Variants in NEK5 observed in about 807,000 individuals in gnomAD.
The protein encoded by NEK5 is serine/threonine-protein kinase Nek5.
Under a neutral mutation model 109.2 loss-of-function variants are expected in NEK5, and 88 were observed. That is an observed-to-expected ratio of 0.81 (90% CI 0.68 to 0.96). NEK5 has a LOEUF of 0.96. NEK5 is among the 40% of genes least tolerant of loss of function. The probability of loss-of-function intolerance (pLI) is 0.00; values close to 1 mark genes in which losing one functional copy is unlikely to be tolerated. For missense variants in NEK5, 834 were observed against 920.7 expected, an observed-to-expected ratio of 0.91 and a Z score of 1.22; for synonymous variants, 283 against 299.9, an observed-to-expected ratio of 0.94 and a Z score of 0.58.
At chr13:52,122,138 G>A (rs1405596548) in intron 3 of NEK5, among the ~76,000 whole-genome samples, 1 of 152,184 alleles carries the variant, frequency 6.6e-6, no homozygotes, top group Non-Finnish European at 1.5e-5. Flanking sequence ...AGGCAATGTA[G>A]TATCATGGAA....
At chr13:52,057,476 C>G (rs1326778013) in intron 22 of NEK5, among the ~76,000 whole-genome samples, 2 of 141,840 alleles carry the variant, frequency 1.4e-5, no homozygotes, top group East Asian at 3.9e-4. Flanking sequence ...GATACCAAAG[C>G]CTGGCAGAGA....
chr13:52,052,852 G>C (rs1954520119), intron 22 of NEK5, among the ~76,000 whole-genome samples: 1 of 152,036 alleles, frequency 6.6e-6, no homozygotes, highest in Non-Finnish European at 1.5e-5. Context: ...CCTTGACTGT[G>C]CCTTTTTTTT....
chr13:52,066,080 A>G (rs1954686629), intron 20 of NEK5, among the ~76,000 whole-genome samples: 1 of 151,882 alleles, frequency 6.6e-6, no homozygotes, highest in Admixed American at 6.6e-5. Context: ...TCCCTTCTGC[A>G]TATGGTTTTT....
intron 17 of NEK5, among the ~76,000 whole-genome samples, chr13:52,078,450 C>A (rs139314462): frequency 6.6e-6 from 1 of 152,070 alleles, no homozygotes. Context: ...TACAAAAGGG[C>A]GCAACAAACT....
chr13:52,080,125 G>GTACCCA (rs1414364836), intron 17 of NEK5, among the ~76,000 whole-genome samples: 1 of 151,914 alleles, frequency 6.6e-6, no homozygotes, highest in Non-Finnish European at 1.5e-5. Context: ...TCTGGGAGGT[G>GTACCCA]AGGAGCGTCT....
intron 3 of NEK5, among the ~76,000 whole-genome samples, chr13:52,119,864 T>C (rs1419063655): frequency 1.3e-5 from 2 of 152,218 alleles, no homozygotes. Context: ...TTAAGATGAC[T>C]ACATTTTTCA....
At chr13:52,107,687 A>C (rs1955681494) in intron 8 of NEK5, among the ~76,000 whole-genome samples, 1 of 152,074 alleles carries the variant, frequency 6.6e-6, no homozygotes, top group Admixed American at 6.6e-5. Context: ...CCTGGGCCTT[A>C]AACCATGACA....
In NEK5 at chr13:52,112,289, A is replaced by AC; in HGVS notation, c.290dup (p.Val98CysfsTer4). On this transcript the variant is annotated frameshift_variant, in exon 5 of 24. Coordinates refer to ENST00000684899, the MANE Select transcript of NEK5 (RefSeq NM_001365552.1). LOFTEE classifies it high-confidence loss of function. ...TTACCTGATCTTCACTAAATAACACACCCCGTTGTCTATTGATCCTTTTCA... is the reference window on the plus strand; with the variant it reads ...TTACCTGATCTTCACTAAATAACACACCCCCGTTGTCTATTGATCCTTTTCA... 6.2e-7 allele frequency: 1 copy of AC among 1,608,296 alleles called. No homozygotes were observed. Among genetic ancestry groups the AC allele is most frequent in the East Asian group, 2.2e-5 (1 of 44,808 alleles).
intron 4 of NEK5, among the ~76,000 whole-genome samples, chr13:52,114,979 A>G (rs954748388): frequency 1.3e-5 from 2 of 152,120 alleles, no homozygotes; most frequent in South Asian, 4.1e-4. Context: ...CTTTTGGTGA[A>G]AGAAACTGAC....
At chr13:52,055,036 A>T (rs1954541872) in intron 22 of NEK5, among the ~76,000 whole-genome samples, 1 of 152,238 alleles carries the variant, frequency 6.6e-6, no homozygotes, top group South Asian at 2.1e-4. Context: ...AAGGCAAAGA[A>T]GTTGAAAACT....
At chr13:52,054,931 A>G (rs1020827901) in intron 22 of NEK5, among the ~76,000 whole-genome samples, 151 of 148,902 alleles carry the variant, frequency 1.0e-3, no homozygotes, top group Non-Finnish European at 1.6e-3. Context: ...CACCAGCAAC[A>G]GAACAAAGCT....
chr13:52,117,070 C>T (rs916346485), intron 4 of NEK5, among the ~76,000 whole-genome samples: 1 of 152,118 alleles, frequency 6.6e-6, no homozygotes, highest in Admixed American at 6.6e-5. Flanking sequence ...AGGTGCACAC[C>T]ACCATGCCCG....
Position 52,127,611 on chromosome 13 carries a change from TCCCAG to T in NEK5, c.-44_-40del, listed in dbSNP as rs927301148. On this transcript the variant is annotated 5_prime_UTR_variant, in exon 2 of 24. Transcript: ENST00000684899. ...AGAACTCACTTAGCTAAAACTTTCC[TCCCAG>T]CCTTGCCAAGACAGAGACAAATAAC... The T allele has an allele frequency of 1.6e-6, 1 of 640,456 alleles. No individual in the cohort carries two copies. Among genetic ancestry groups the T allele is most frequent in the African/African-American group, 1.8e-5 (1 of 54,700 alleles). The allele number at this position is 640,456 out of a possible 1,614,324, so 39.7% of individuals were successfully genotyped here.
Position 52,070,226 on chromosome 13 carries a change from A to T in NEK5, c.1849+1718T>A, listed in dbSNP as rs140957261. ...TGGATCCCATTTTCCATGGAAGGAA[A>T]GAGGCCATGCTGGGATGAGAAAAGT... On this transcript the variant is annotated intron_variant, in intron 20 of 23. Transcript: ENST00000684899. Among the ~76,000 whole-genome samples the T allele has an allele frequency of 3.2e-3, 490 of 152,356 alleles. 3 individuals carry two copies. Among genetic ancestry groups the T allele is most frequent in the African/African-American group, 0.011 (441 of 41,576 alleles).
intron 21 of NEK5, among the ~76,000 whole-genome samples, chr13:52,063,306 C>A (rs9526827): frequency 0.04 from 6,036 of 152,284 alleles, 155 homozygotes; most frequent in South Asian, 0.09. Flanking sequence ...AGCTCCTAAC[C>A]GCGAGTGATC....
Position 52,035,107 on chromosome 13 carries a change from T to C in NEK5, c.*1841A>G, listed in dbSNP as rs181542630. On this transcript the variant is annotated 3_prime_UTR_variant, in exon 24 of 24. Coordinates refer to ENST00000684899, the MANE Select transcript of NEK5 (RefSeq NM_001365552.1). ...AATGATACTCCAATCTCTCAGGCCATGTGTCAGTTGGAAACTAACACAATG... is the reference window on the plus strand; with the variant it reads ...AATGATACTCCAATCTCTCAGGCCACGTGTCAGTTGGAAACTAACACAATG... 25 of 152,282 alleles carry C rather than the reference T, an allele frequency of 1.6e-4. No homozygotes were observed. The highest frequency in any genetic ancestry group is 5.8e-4 in the African/African-American group (24 of 41,556). The allele number at this position is 152,282 out of a possible 1,614,324, so 9.4% of individuals were successfully genotyped here. A position where few individuals can be genotyped will look rare whatever the true frequency, so the allele number is the denominator to read the frequency against.
chr13:52,115,152 T>C (rs1955829689), intron 4 of NEK5, among the ~76,000 whole-genome samples: 1 of 151,860 alleles, frequency 6.6e-6, no homozygotes, highest in Non-Finnish European at 1.5e-5. Context: ...TAGCTGGGAC[T>C]ACAGGCGCCC....
At chr13:52,066,082 A>G (rs988726047) in intron 20 of NEK5, among the ~76,000 whole-genome samples, 2 of 151,930 alleles carry the variant, frequency 1.3e-5, no homozygotes, top group African/African-American at 4.8e-5. Context: ...CCTTCTGCAT[A>G]TGGTTTTTGC....
intron 23 of NEK5, among the ~76,000 whole-genome samples, chr13:52,039,451 T>C (rs1954395888): frequency 6.6e-6 from 1 of 152,228 alleles, no homozygotes; most frequent in Non-Finnish European, 1.5e-5. Flanking sequence ...TCCTTTGTCT[T>C]TGTTCCTCTA....
Sources: gnomAD v4.1 joint callset for allele counts (sites outside exome capture counted in the v4.1 genomes callset) on GRCh38, gnomAD v4.1.1 for gene constraint, MANE v1.5 for transcripts, NCBI Gene and HGNC (gene_info 2026-07-23, HGNC 2026-07-21) for gene names.